The following SPECC1 variants were observed in gnomAD, a reference collection of about 807,000 sequenced individuals.
SPECC1 encodes sperm antigen with calponin homology and coiled-coil domains 1, also known as cytospin-B.
Under a neutral mutation model 104.1 loss-of-function variants are expected in SPECC1, and 62 were observed. The ratio of observed to expected loss-of-function variants is 0.60; its 90% CI spans 0.49 to 0.74. The LOEUF (loss-of-function observed/expected upper bound fraction) is 0.74. SPECC1 is among the 30% of genes least tolerant of loss of function. SPECC1 has a pLI of 0.00. For synonymous variants in SPECC1, 513 were observed against 501.6 expected (o/e 1.02, Z -0.30); for missense variants, 1,306 against 1,310.5 (o/e 1.00, Z 0.05).
chr17:20,016,039 CTTCTACTAA>C (rs2044111999), intron 1 of SPECC1, among the ~76,000 whole-genome samples: 3 of 149,726 alleles, frequency 2.0e-5, no homozygotes, highest in South Asian at 4.2e-4. Context: ...TGAAACTCCG[CTTCTACTAA>C]AAAAAAAATA....
At chr17:20,032,588 T>C (rs10459969) in intron 1 of SPECC1, among the ~76,000 whole-genome samples, 29,616 of 152,070 alleles carry the variant, frequency 0.19, 2,946 homozygotes, top group African/African-American at 0.21. Flanking sequence ...TTATTCTACC[T>C]TTCAACTCCG....
chr17:20,075,259 A>G (rs2046713965), intron 1 of SPECC1, among the ~76,000 whole-genome samples: 1 of 152,104 alleles, frequency 6.6e-6, no homozygotes, highest in African/African-American at 2.4e-5. Context: ...TCACTGTACA[A>G]CATCATCTCA....
chr17:20,269,378 G>A (rs893441972), intron 12 of SPECC1, among the ~76,000 whole-genome samples: 7 of 152,238 alleles, frequency 4.6e-5, no homozygotes, highest in African/African-American at 1.7e-4. Flanking sequence ...TGTAGTATGT[G>A]CTGGGCAGAA....
intron 12 of SPECC1, among the ~76,000 whole-genome samples, chr17:20,279,228 G>C (rs2040916483): frequency 6.6e-6 from 1 of 152,158 alleles, no homozygotes; most frequent in Middle Eastern, 3.5e-3. Context: ...TAATTTCATG[G>C]CAAGACACTT....
chr17:20,112,257 G>C (rs1396987822), intron 3 of SPECC1: 9 of 762,876 alleles, frequency 1.2e-5, no homozygotes, highest in Non-Finnish European at 2.2e-5. Flanking sequence ...TGAGTACTTT[G>C]AACCCATTTT....
chr17:20,209,785 A>G (rs2037018304), intron 4 of SPECC1, among the ~76,000 whole-genome samples: 2 of 152,248 alleles, frequency 1.3e-5, no homozygotes, highest in South Asian at 4.1e-4. Context: ...TCCAGACAAT[A>G]ACATGACCCA....
At chr17:20,043,842 A>T (rs1050407568) in intron 1 of SPECC1, among the ~76,000 whole-genome samples, 1 of 152,210 alleles carries the variant, frequency 6.6e-6, no homozygotes, top group Non-Finnish European at 1.5e-5. Context: ...TCGTAGTCAC[A>T]ACTGCTACTG....
intron 14 of SPECC1, among the ~76,000 whole-genome samples, chr17:20,307,036 C>A (rs1379172188): frequency 3.3e-5 from 5 of 152,076 alleles, no homozygotes; most frequent in African/African-American, 1.2e-4. Context: ...TCTAACACTT[C>A]TAGAAATGAA....
intron 3 of SPECC1, among the ~76,000 whole-genome samples, chr17:20,192,079 A>G (rs1283169752): frequency 6.6e-6 from 1 of 151,886 alleles, no homozygotes; most frequent in Non-Finnish European, 1.5e-5. Flanking sequence ...TGGGACTACA[A>G]GTGTAAGCCA....
chr17:20,172,561 A>G (rs919312768), intron 3 of SPECC1, among the ~76,000 whole-genome samples: 5 of 152,140 alleles, frequency 3.3e-5, no homozygotes, highest in African/African-American at 1.2e-4. Context: ...CCAGCAGACA[A>G]ATTCAGGCTT....
intron 1 of SPECC1, among the ~76,000 whole-genome samples, chr17:20,075,537 T>G (rs970824327): frequency 2.0e-5 from 3 of 152,190 alleles, no homozygotes; most frequent in African/African-American, 7.2e-5. Flanking sequence ...GTGCAGTGGC[T>G]TGCACCTGAA....
intron 5 of SPECC1, among the ~76,000 whole-genome samples, chr17:20,228,703 A>C (rs58730168): frequency 1.3e-5 from 2 of 152,234 alleles, no homozygotes; most frequent in Non-Finnish European, 2.9e-5. Flanking sequence ...GATGTTTGCC[A>C]CTTAGTTGCT....
At chr17:20,292,311 C>A (rs1033318009) in intron 12 of SPECC1, among the ~76,000 whole-genome samples, 2 of 151,910 alleles carry the variant, frequency 1.3e-5, no homozygotes, top group Non-Finnish European at 2.9e-5. Flanking sequence ...ACCCCACTGC[C>A]CCACCACCGC....
chr17:20,204,396 C>G lies in SPECC1; in HGVS notation c.347C>G (p.Ser116Ter). The G allele has an allele frequency of 6.2e-7, 1 of 1,614,060 alleles. No homozygotes were observed. The highest frequency in any genetic ancestry group is 8.5e-7 in the Non-Finnish European group (1 of 1,179,992). ...PAPREFSVTV[S>*]RERSVPRGPS... ...CCACGGGAATTTTCAGTAACTGTCT[C>G]AAGAGAGAGGTCTGTGCCACGTGGT... Residue 116 changes from serine (S) to a stop codon, truncating the protein, a stop_gained, in exon 4 of 15, where the codon TCA (serine) becomes TGA (stop). Coordinates refer to ENST00000395527, the MANE Select transcript of SPECC1 (RefSeq NM_001243439.2). LOFTEE classifies it high-confidence loss of function.
chr17:20,194,501 A>ATTTTTTTTTTTTTTTTTTTTTT (rs1567923485), intron 3 of SPECC1, among the ~76,000 whole-genome samples: 2 of 68,130 alleles, frequency 2.9e-5, no homozygotes, highest in East Asian at 2.5e-3. Flanking sequence ...AAAGAGAACG[A>ATTTTTTTTTTTTTTTTTTTTTT]ATTTTTTTTT....
intron 2 of SPECC1, among the ~76,000 whole-genome samples, chr17:20,100,072 ATT>A (rs1597698618): frequency 6.6e-6 from 1 of 152,112 alleles, no homozygotes; most frequent in African/African-American, 2.4e-5. Context: ...GTCATTTTAA[ATT>A]TTTTTATTGT....
intron 1 of SPECC1, among the ~76,000 whole-genome samples, chr17:20,076,795 G>A (rs76163047): frequency 0.045 from 6,808 of 152,200 alleles, 173 homozygotes; most frequent in Middle Eastern, 0.061. Context: ...GGGAGCACTT[G>A]TTTAATTTCA....
chr17:20,020,623 C>T (rs905371200), intron 1 of SPECC1, among the ~76,000 whole-genome samples: 6 of 152,198 alleles, frequency 3.9e-5, no homozygotes, highest in South Asian at 4.1e-4. Context: ...TGAGCCTCCA[C>T]GCCTGGCCCT....
At chr17:20,224,395 G>A (rs991305431) in intron 4 of SPECC1, among the ~76,000 whole-genome samples, 2 of 152,192 alleles carry the variant, frequency 1.3e-5, no homozygotes, top group African/African-American at 4.8e-5. Flanking sequence ...ATTAGCAGAT[G>A]GGGAATCTAG....
Sources: allele counts gnomAD v4.1 joint callset (sites outside exome capture counted in the v4.1 genomes callset), GRCh38; gene constraint gnomAD v4.1.1; transcripts MANE v1.5; gene names NCBI Gene and HGNC (gene_info 2026-07-23, HGNC 2026-07-21).